The following SGK1 variants were observed in gnomAD, a reference collection of about 807,000 sequenced individuals.
SGK1 encodes serine/threonine-protein kinase Sgk1.
In SGK1, 26 loss-of-function variants were observed where a neutral mutation model predicts 64.2. That is an observed-to-expected ratio of 0.40 (90% CI 0.30 to 0.56). SGK1 has a LOEUF of 0.56. Among genes scored for constraint, SGK1 ranks in the 20% least tolerant of loss-of-function variants. The probability of loss-of-function intolerance (pLI) is 0.38; values close to 1 mark genes in which losing one functional copy is unlikely to be tolerated. For missense variants in SGK1, 519 were observed against 645.6 expected (o/e 0.80, Z 2.12); for synonymous variants, 265 against 239.7 (o/e 1.11, Z -0.98).
At chr6:134,258,891 G>C (rs1175959756) in intron 2 of SGK1, among the ~76,000 whole-genome samples, 1 of 152,152 alleles carries the variant, frequency 6.6e-6, no homozygotes, top group Non-Finnish European at 1.5e-5. Context: ...GGGAGGCTGA[G>C]GTGGGACCAC....
At chr6:134,176,654 C>G (rs1775241724) in intron 3 of SGK1, among the ~76,000 whole-genome samples, 1 of 152,230 alleles carries the variant, frequency 6.6e-6, no homozygotes, top group Non-Finnish European at 1.5e-5. Context: ...CTACCAAAGG[C>G]TCTGCCATTT....
At chr6:134,199,331 G>A (rs1775645234) in intron 3 of SGK1, among the ~76,000 whole-genome samples, 1 of 152,146 alleles carries the variant, frequency 6.6e-6, no homozygotes, top group South Asian at 2.1e-4. Context: ...GGCCAAGGCA[G>A]GCAGATCACT....
intron 2 of SGK1, among the ~76,000 whole-genome samples, chr6:134,230,828 A>G (rs1305737523): frequency 6.6e-6 from 1 of 152,184 alleles, no homozygotes; most frequent in Non-Finnish European, 1.5e-5. Flanking sequence ...AGCCTGGCCA[A>G]CATGGTGAAA....
intron 1 of SGK1, among the ~76,000 whole-genome samples, chr6:134,289,023 G>A (rs1379778976): frequency 6.6e-6 from 1 of 152,182 alleles, no homozygotes; most frequent in Non-Finnish European, 1.5e-5. Context: ...GATACAGTGA[G>A]AAACCACAAA....
intron 1 of SGK1, among the ~76,000 whole-genome samples, chr6:134,307,561 C>T (rs1777552490): frequency 6.6e-6 from 1 of 152,142 alleles, no homozygotes; most frequent in Non-Finnish European, 1.5e-5. Context: ...CATACCCTCC[C>T]TAACATTTAA....
At chr6:134,172,911 T>C in intron 8 of SGK1, 112 bp downstream of exon 8, 1 of 1,323,848 alleles carries the variant, frequency 7.6e-7, no homozygotes, top group South Asian at 1.3e-5. Context: ...AAGGAAATGC[T>C]AATTCTGGTA....
chr6:134,312,424 T>C (rs1334374223), intron 1 of SGK1, among the ~76,000 whole-genome samples: 2 of 152,216 alleles, frequency 1.3e-5, no homozygotes, highest in African/African-American at 4.8e-5. Context: ...GAATAAGCAC[T>C]TCAGAGGAGC....
chr6:134,171,065 C>A lies in SGK1; in HGVS notation c.1281G>T (p.Leu427=). The A allele has an allele frequency of 6.2e-7, 1 of 1,614,132 alleles. No individual in the cohort carries two copies. Among genetic ancestry groups the A allele is most frequent in the Non-Finnish European group, 8.5e-7 (1 of 1,180,008 alleles). Residue 427 remains leucine, a synonymous_variant, in exon 12 of 14, where the codon CTG becomes CTT. Transcript: ENST00000367858. ...CGAGCCGCTTTGTCCTGTCCTTCTG[C>A]AGGAGGCCCTCCAGGAGGTGTCTTG... ...NSARHLLEGL[L]QKDRTKRLGA...
chr6:134,200,423 C>T (rs1775662685), intron 3 of SGK1, among the ~76,000 whole-genome samples: 1 of 152,182 alleles, frequency 6.6e-6, no homozygotes, highest in African/African-American at 2.4e-5. Flanking sequence ...AGCAACTGAG[C>T]ACGCTAGTCC....
chr6:134,300,206 A>G (rs1474173198), intron 1 of SGK1, among the ~76,000 whole-genome samples: 1 of 152,126 alleles, frequency 6.6e-6, no homozygotes, highest in Admixed American at 6.5e-5. Context: ...GAGAAAGAAG[A>G]TGGGGAGAGA....
chr6:134,185,114 A>G (rs1022925241), intron 3 of SGK1, among the ~76,000 whole-genome samples: 2 of 152,254 alleles, frequency 1.3e-5, no homozygotes, highest in African/African-American at 4.8e-5. Flanking sequence ...GGACGATATC[A>G]TATGAATTTG....
Position 134,310,074 on chromosome 6 carries a change from C to T in SGK1, c.69+7318G>A, listed in dbSNP as rs144754578. On this transcript the variant is annotated intron_variant, in intron 1 of 13. Transcript: ENST00000367858. ...CATGCATTTTGATGGCTCCACCCCC[C>T]ACGTTCCTCACTCCTGCCCCCTCAT... is the stretch of plus-strand genomic sequence containing the variant. 5.7e-3 allele frequency among the ~76,000 whole-genome samples: 856 copies of T among 151,148 alleles called. 9 individuals are homozygous for T. The highest frequency in any genetic ancestry group is 0.02 in the African/African-American group (810 of 41,116).
chr6:134,170,526 A>C, intron 13 of SGK1, 91 bp from the exon 14 acceptor site: 1 of 1,232,118 alleles, frequency 8.1e-7, no homozygotes. Flanking sequence ...ACCAAGTTTA[A>C]GTCTTATATC....
chr6:134,307,189 G>C (rs1252759288), intron 1 of SGK1, among the ~76,000 whole-genome samples: 1 of 152,168 alleles, frequency 6.6e-6, no homozygotes, highest in Non-Finnish European at 1.5e-5. Flanking sequence ...ATAATAATTA[G>C]CAATGGCTTC....
chr6:134,292,054 C>T (rs1019689658), intron 1 of SGK1, among the ~76,000 whole-genome samples: 3 of 137,526 alleles, frequency 2.2e-5, no homozygotes, highest in African/African-American at 8.0e-5. Context: ...CAGAGCAAGA[C>T]TCTCTCTCAA....
At chr6:134,264,779 G>T (rs897809183) in intron 1 of SGK1, among the ~76,000 whole-genome samples, 3 of 152,000 alleles carry the variant, frequency 2.0e-5, no homozygotes, top group African/African-American at 7.3e-5. Flanking sequence ...AAGTAGCTGG[G>T]ACTACAGGCG....
intron 3 of SGK1, among the ~76,000 whole-genome samples, chr6:134,185,907 G>T (rs1360139801): frequency 2.0e-5 from 3 of 151,958 alleles, no homozygotes; most frequent in Non-Finnish European, 2.9e-5. Flanking sequence ...GAGAGTGAGT[G>T]ACCTACCCAC....
chr6:134,298,644 CG>C, intron 1 of SGK1: 24 of 1,333,778 alleles, frequency 1.8e-5, no homozygotes, highest in South Asian at 2.4e-5. Flanking sequence ...GCTGAAGGCC[CG>C]GGGGCCAGAG....
chr6:134,230,510 A>G (rs1776260163), intron 2 of SGK1: 1 of 152,136 alleles, frequency 6.6e-6, no homozygotes, highest in Non-Finnish European at 1.5e-5. Flanking sequence ...GAGAAAGGGG[A>G]AAGAGCCTCT....
Sources: allele counts gnomAD v4.1 joint callset (sites outside exome capture counted in the v4.1 genomes callset), GRCh38; gene constraint gnomAD v4.1.1; transcripts MANE v1.5; gene names NCBI Gene and HGNC (gene_info 2026-07-23, HGNC 2026-07-21).